PCCA: variants seen among roughly 807,000 people sequenced by gnomAD.
The protein encoded by PCCA is propionyl-CoA carboxylase subunit alpha.
PCCA carries 74 observed loss-of-function variants against 101.3 expected under a neutral mutation model. The observed-to-expected ratio is 0.73, with a 90% CI of 0.61 to 0.89. The LOEUF (loss-of-function observed/expected upper bound fraction) is 0.89. PCCA is among the 40% of genes least tolerant of loss of function. The pLI is 0.00. For missense variants in PCCA, 891 were observed against 907.0 expected (o/e 0.98, Z 0.23); for synonymous variants, 294 against 313.6 (o/e 0.94, Z 0.66).
At chr13:100,313,807 A>G (rs530703114) in intron 16 of PCCA, among the ~76,000 whole-genome samples, 2 of 152,334 alleles carry the variant, frequency 1.3e-5, no homozygotes, top group African/African-American at 4.8e-5. Context: ...TCTCAGTGTC[A>G]TAATTTTTGC....
At chr13:100,458,864 A>G (rs561326012) in intron 21 of PCCA, among the ~76,000 whole-genome samples, 6 of 152,300 alleles carry the variant, frequency 3.9e-5, no homozygotes, top group Non-Finnish European at 8.8e-5. Context: ...ACAGTAATAC[A>G]TAGGATTCCG....
chr13:100,527,825 G>C, intron 23 of PCCA, 73 bp downstream of exon 23: 1 of 1,159,714 alleles, frequency 8.6e-7, no homozygotes. Context: ...ATCGTGGGTG[G>C]TTTGGCTGGA....
At chr13:100,478,602 G>A (rs1411188914) in intron 21 of PCCA, among the ~76,000 whole-genome samples, 2 of 152,146 alleles carry the variant, frequency 1.3e-5, no homozygotes, top group African/African-American at 4.8e-5. Flanking sequence ...TACCCTCGAC[G>A]CCATGATGAG....
chr13:100,466,277 A>T (rs1271272494), intron 21 of PCCA: 2 of 152,212 alleles, frequency 1.3e-5, no homozygotes, highest in African/African-American at 4.8e-5. Flanking sequence ...TTTTGCAGCT[A>T]CTATTTAATT....
intron 22 of PCCA, among the ~76,000 whole-genome samples, chr13:100,523,814 C>A (rs966104931): frequency 1.3e-5 from 2 of 152,200 alleles, no homozygotes; most frequent in Admixed American, 1.3e-4. Flanking sequence ...AGGCTTGTGA[C>A]CATTTTGTAA....
intron 6 of PCCA, among the ~76,000 whole-genome samples, chr13:100,161,836 G>A (rs2054510388): frequency 6.6e-6 from 1 of 152,020 alleles, no homozygotes; most frequent in Admixed American, 6.5e-5. Flanking sequence ...TGTATTTTGT[G>A]TAGACATCAT....
intron 12 of PCCA, among the ~76,000 whole-genome samples, chr13:100,277,723 G>A (rs932534799): frequency 1.3e-5 from 2 of 152,128 alleles, no homozygotes; most frequent in Admixed American, 1.3e-4. Flanking sequence ...CTGTAAGGGA[G>A]TCTGGGAATA....
At chr13:100,367,617 A>C (rs189152378) in intron 18 of PCCA, among the ~76,000 whole-genome samples, 72 of 150,964 alleles carry the variant, frequency 4.8e-4, no homozygotes, top group Non-Finnish European at 7.2e-4. Flanking sequence ...TAGTAATAAC[A>C]TTATAAAATA....
At chr13:100,124,870 A>G (rs2049795686) in intron 4 of PCCA, among the ~76,000 whole-genome samples, 1 of 152,170 alleles carries the variant, frequency 6.6e-6, no homozygotes, top group African/African-American at 2.4e-5. Context: ...TTAGATGTAT[A>G]TAGAGATGAA....
At chr13:100,366,529 C>T (rs1312242157) in intron 18 of PCCA, among the ~76,000 whole-genome samples, 2 of 152,072 alleles carry the variant, frequency 1.3e-5, no homozygotes, top group African/African-American at 4.8e-5. Context: ...CAAATAAATG[C>T]CCTGTAGAAT....
chr13:100,209,568 A>G (rs1594745666), intron 7 of PCCA, 105 bp downstream of exon 7: 1 of 830,668 alleles, frequency 1.2e-6, no homozygotes, highest in East Asian at 2.5e-5. Context: ...ATACACACAC[A>G]CACACACATA....
chr13:100,390,210 T>A (rs1447228369), intron 19 of PCCA, among the ~76,000 whole-genome samples: 2 of 152,228 alleles, frequency 1.3e-5, no homozygotes, highest in Non-Finnish European at 2.9e-5. Flanking sequence ...ACAATTGTAG[T>A]CAACATGTAC....
At chr13:100,199,475 C>G (rs2058337378) in intron 6 of PCCA, among the ~76,000 whole-genome samples, 1 of 152,100 alleles carries the variant, frequency 6.6e-6, no homozygotes, top group African/African-American at 2.4e-5. Context: ...GAGTCTTACC[C>G]CAGTCTTGAC....
intron 4 of PCCA, among the ~76,000 whole-genome samples, chr13:100,142,632 T>C (rs1856217): frequency 0.4 from 61,395 of 151,858 alleles, 13,870 homozygotes; most frequent in East Asian, 0.73. Context: ...TGCCACGACA[T>C]CCAGCTAATT....
At chr13:100,524,693 A>G (rs11618349) in intron 22 of PCCA, among the ~76,000 whole-genome samples, 23,036 of 152,054 alleles carry the variant, frequency 0.15, 2,300 homozygotes, top group African/African-American at 0.28. Context: ...CCAATGTGGT[A>G]ATACCCTATC....
At chr13:100,450,990 A>G (rs1311621752) in intron 21 of PCCA, among the ~76,000 whole-genome samples, 3 of 152,232 alleles carry the variant, frequency 2.0e-5, no homozygotes, top group Non-Finnish European at 2.9e-5. Context: ...GAATTGGCTC[A>G]AGCAATTGTG....
At chr13:100,122,747 G>T (rs569355921) in intron 4 of PCCA, among the ~76,000 whole-genome samples, 1 of 152,210 alleles carries the variant, frequency 6.6e-6, no homozygotes, top group African/African-American at 2.4e-5. Flanking sequence ...GTCATAGTCT[G>T]GGTGGCTTAT....
At chr13:100,479,706 T>C (rs1452994248) in intron 21 of PCCA, 1 of 152,166 alleles carries the variant, frequency 6.6e-6, no homozygotes, top group East Asian at 1.9e-4. Flanking sequence ...AAAATGCACA[T>C]TTAAGTGGCC....
chr13:100,446,913 A>G (rs1035798479), intron 20 of PCCA, among the ~76,000 whole-genome samples: 1 of 152,098 alleles, frequency 6.6e-6, no homozygotes. Context: ...AGCGTTTTTC[A>G]TATCTTGAAA....
Sources: allele counts gnomAD v4.1 joint callset (sites outside exome capture counted in the v4.1 genomes callset), GRCh38; gene constraint gnomAD v4.1.1; transcripts MANE v1.5; gene names NCBI Gene and HGNC (gene_info 2026-07-23, HGNC 2026-07-21).